The following CELSR1 variants were observed in gnomAD, a reference collection of about 807,000 sequenced individuals.
CELSR1 encodes cadherin EGF LAG seven-pass G-type receptor 1.
CELSR1 carries 110 observed loss-of-function variants against 249.1 expected under a neutral mutation model. That is an observed-to-expected ratio of 0.44 (90% CI 0.38 to 0.52). The LOEUF (loss-of-function observed/expected upper bound fraction) is 0.52. Ranked by LOEUF, CELSR1 falls within the 20% of genes least tolerant of loss-of-function variation. The pLI is 0.00. For missense variants in CELSR1, 4,109 were observed against 4,296.4 expected, an observed-to-expected ratio of 0.96 and a Z score of 1.22; for synonymous variants, 2,113 against 1,900.0, an observed-to-expected ratio of 1.11 and a Z score of -2.92.
chr22:46,536,604 G>A lies in CELSR1; in HGVS notation c.567C>T (p.Arg189=). 1 of 1,179,360 alleles carries A rather than the reference G, an allele frequency of 8.5e-7. No individual in the cohort carries two copies. The highest frequency in any genetic ancestry group is 1.0e-6 in the Non-Finnish European group (1 of 956,816). The allele number at this position is 1,179,360 out of a possible 1,614,324, so 73.1% of individuals were successfully genotyped here. A position where few individuals can be genotyped will look rare whatever the true frequency, so the allele number is the denominator to read the frequency against. ...GTCCCACCCGGACGGCGCCAGCCGC[G>A]CGCCGCAGGGCGCACAGCAGACGCA... ...VRLRLLCALR[R]AAGAVRVGLA... Residue 189 remains arginine (R), a synonymous_variant, in exon 1 of 35, where the codon CGC becomes CGT. Transcript: ENST00000674500.
At chr22:46,373,823 C>T (rs910930104) in intron 24 of CELSR1, among the ~76,000 whole-genome samples, 1 of 152,164 alleles carries the variant, frequency 6.6e-6, no homozygotes, top group African/African-American at 2.4e-5. Context: ...CAGCAGCCAT[C>T]CCATCAGTCC....
rs2079552275 is a variant in CELSR1, at chr22:46,427,776, A to C, written c.4611+5617T>G. ...TGGAAGGGAGAGAAGGAGGGAGGGA[A>C]AGGGAAGGCTACGTGGCCTCACCCA... On this transcript the variant is annotated intron_variant, in intron 5 of 34. Coordinates refer to ENST00000674500, the MANE Select transcript of CELSR1 (RefSeq NM_001378328.1). This position sits in a 1 kb window ranked among gnomAD's most constrained non-coding sequence, Gnocchi z 4.2. Among the ~76,000 whole-genome samples the C allele has an allele frequency of 6.6e-6, 1 of 152,164 alleles. No homozygotes were observed. Among genetic ancestry groups the C allele is most frequent in the Non-Finnish European group, 1.5e-5 (1 of 68,026 alleles).
In CELSR1 at chr22:46,430,934, G is replaced by A. The variant is rs570704733; in HGVS notation, c.4611+2459C>T. Among the ~76,000 whole-genome samples the A allele has an allele frequency of 1.3e-4, 20 of 152,278 alleles. No homozygotes were observed. The East Asian group carries it at 3.7e-3, about 28-fold the overall frequency. On this transcript the variant is annotated intron_variant, in intron 5 of 34. Coordinates refer to ENST00000674500, the MANE Select transcript of CELSR1 (RefSeq NM_001378328.1). The surrounding 1 kb of genome is among the most constrained non-coding windows in gnomAD (Gnocchi z 4.6). ...TCTCTGCTAACACATCCTAGTGTGTGGCCCCGTCAGACCTCCTAATGGACG... is the reference window on the plus strand; with the variant it reads ...TCTCTGCTAACACATCCTAGTGTGTAGCCCCGTCAGACCTCCTAATGGACG...
At chr22:46,495,772 G>A (rs1035402966) in intron 1 of CELSR1, among the ~76,000 whole-genome samples, 7 of 152,094 alleles carry the variant, frequency 4.6e-5, no homozygotes, top group Non-Finnish European at 1.0e-4. Flanking sequence ...CCGAGATCGT[G>A]CCTTTGCACT....
At chr22:46,421,968 G>C (rs1471981416) in intron 5 of CELSR1, among the ~76,000 whole-genome samples, 2 of 152,232 alleles carry the variant, frequency 1.3e-5, no homozygotes, top group African/African-American at 4.8e-5. Flanking sequence ...ACAAGGCCCT[G>C]AGGGCAAAAT....
chr22:46,377,656 C>T (rs2078933419), intron 23 of CELSR1: 1 of 274,212 alleles, frequency 3.6e-6, no homozygotes, highest in Admixed American at 4.7e-5. Flanking sequence ...AAGCCCCAAC[C>T]CCGCCCACAT....
At chr22:46,474,994 C>T (rs73888521) in intron 1 of CELSR1, among the ~76,000 whole-genome samples, 3,580 of 152,136 alleles carry the variant, frequency 0.024, 122 homozygotes, top group African/African-American at 0.081. Flanking sequence ...AAATGAGGAG[C>T]GTGTTAAAAG....
chr22:46,385,966 C>T (rs979828713), intron 19 of CELSR1, among the ~76,000 whole-genome samples: 175 of 137,184 alleles, frequency 1.3e-3, no homozygotes, highest in African/African-American at 4.7e-3. Flanking sequence ...CGTGAGCCAC[C>T]GCGCCCGGCT....
In CELSR1 at chr22:46,408,867, C is replaced by A. The variant is rs965386202; in HGVS notation, c.5226+129G>T. 3 of 714,324 alleles carry A rather than the reference C, an allele frequency of 4.2e-6. No homozygotes were observed. The highest frequency in any genetic ancestry group is 3.6e-5 in the African/African-American group (2 of 55,146). The allele number at this position is 714,324 out of a possible 1,614,324, so 44.2% of individuals were successfully genotyped here. Reference sequence around the variant, plus strand: ...ATTCCCCTTCCCCCTCTTCGGAGAACCCCAGGGGCGGGCGCCGGAGGAAGG... The same window carrying A: ...ATTCCCCTTCCCCCTCTTCGGAGAAACCCAGGGGCGGGCGCCGGAGGAAGG... On this transcript the variant is annotated intron_variant, in intron 9 of 34. Transcript: ENST00000674500. The surrounding 1 kb of genome is among the most constrained non-coding windows in gnomAD (Gnocchi z 4.6).
intron 1 of CELSR1, among the ~76,000 whole-genome samples, chr22:46,499,440 T>C (rs141136725): frequency 6.6e-6 from 1 of 152,306 alleles, no homozygotes; most frequent in East Asian, 1.9e-4. Context: ...ATCAAGCCTG[T>C]GAGGACATAG....
Position 46,454,396 on chromosome 22 carries a change from A to T in CELSR1, c.4183+9311T>A, listed in dbSNP as rs2079922183. On this transcript the variant is annotated intron_variant, in intron 2 of 34. Coordinates refer to ENST00000674500, the MANE Select transcript of CELSR1 (RefSeq NM_001378328.1). The surrounding 1 kb of genome is among the most constrained non-coding windows in gnomAD (Gnocchi z 5.1). ...CCAGCCCTGCTGTCACGGAGCCCAC[A>T]CTCTCTCTGCAGAAGCAGCATCCCT... is the stretch of plus-strand genomic sequence containing the variant. 6.6e-6 allele frequency among the ~76,000 whole-genome samples: 1 copy of T among 151,980 alleles called. No homozygotes were observed. Among genetic ancestry groups the T allele is most frequent in the Admixed American group, 6.6e-5 (1 of 15,254 alleles).
chr22:46,440,584 A>G lies in CELSR1; in HGVS notation c.4184-1173T>C, dbSNP rs896959156. Among the ~76,000 whole-genome samples the G allele has an allele frequency of 9.9e-5, 15 of 152,192 alleles. No individual in the cohort carries two copies. Among genetic ancestry groups the G allele is most frequent in the African/African-American group, 3.6e-4 (15 of 41,442 alleles). On this transcript the variant is annotated intron_variant, in intron 2 of 34. Transcript: ENST00000674500. The surrounding 1 kb of genome is among the most constrained non-coding windows in gnomAD (Gnocchi z 4.7). ...ATTTGCATTTATCTTTGATGAGGCC[A>G]GCATCTTTTCCTGTTTTATTGACAA...
At chr22:46,426,504 T>C (rs940396934) in intron 5 of CELSR1, among the ~76,000 whole-genome samples, 1 of 152,082 alleles carries the variant, frequency 6.6e-6, no homozygotes, top group Non-Finnish European at 1.5e-5. Context: ...GGGGCGGTCT[T>C]GGGGCTCTTT....
chr22:46,412,645 G>T lies in CELSR1; in HGVS notation c.4612-886C>A, dbSNP rs553154348. Among the ~76,000 whole-genome samples the T allele has an allele frequency of 5.3e-5, 8 of 152,230 alleles. No individual in the cohort carries two copies. The East Asian group carries it at 1.5e-3, about 29-fold the overall frequency. The stretch of plus-strand genomic sequence containing the variant: ...CACTTTCCCCAGACAGCCCTCGCAG[G>T]TCTCAGCTCCTGGTCAGTCCCTCCC... On this transcript the variant is annotated intron_variant, in intron 5 of 34. Transcript: ENST00000674500. The surrounding 1 kb of genome is among the most constrained non-coding windows in gnomAD (Gnocchi z 4.5).
In CELSR1 at chr22:46,399,244, C is replaced by A. The variant is rs9615362; in HGVS notation, c.5412+473G>T. ...AGTGTTCCGAACATTGTCTGGGATA[C>A]CACCACCTGCCTGCCTGGGACATGT... On this transcript the variant is annotated intron_variant, in intron 10 of 34. Transcript: ENST00000674500. This position sits in a 1 kb window ranked among gnomAD's most constrained non-coding sequence, Gnocchi z 5.0. Among the ~76,000 whole-genome samples, 35,364 of 152,042 alleles carry A rather than the reference C, an allele frequency of 0.23. 8,033 individuals are homozygous for A. The highest frequency in any genetic ancestry group is 0.6 in the African/African-American group (24,651 of 41,406).
intron 17 of CELSR1, 114 bp from the exon 18 acceptor site, chr22:46,389,613 CTTTAAAAAAT>C: frequency 8.4e-7 from 1 of 1,195,540 alleles, no homozygotes; most frequent in Non-Finnish European, 1.2e-6. Flanking sequence ...CAGAAAGGAA[CTTTAAAAAAT>C]CCAAAAGCCT....
chr22:46,476,433 CAAAATATAAA>C (rs1049710658), intron 1 of CELSR1, among the ~76,000 whole-genome samples: 1 of 151,738 alleles, frequency 6.6e-6, no homozygotes, highest in African/African-American at 2.4e-5. Flanking sequence ...CCATCTCTAC[CAAAATATAAA>C]AAATTAGCCA....
At chr22:46,400,965 GT>G (rs1337175448) in intron 9 of CELSR1, among the ~76,000 whole-genome samples, 1 of 145,664 alleles carries the variant, frequency 6.9e-6, no homozygotes, top group African/African-American at 2.6e-5. Flanking sequence ...AAAAAAAAAA[GT>G]ATAGGCAAAG....
At chr22:46,497,932 G>A (rs1452986631) in intron 1 of CELSR1, among the ~76,000 whole-genome samples, 1 of 150,930 alleles carries the variant, frequency 6.6e-6, no homozygotes, top group East Asian at 2.0e-4. Context: ...CTCAGAATAT[G>A]CTAGAATGTA....
Sources: allele counts gnomAD v4.1 joint callset (sites outside exome capture counted in the v4.1 genomes callset), GRCh38; gene constraint gnomAD v4.1.1; non-coding constraint Gnocchi (gnomAD v3.1); transcripts MANE v1.5; gene names NCBI Gene and HGNC (gene_info 2026-07-23, HGNC 2026-07-21).